Variants in MYO15B observed in about 807,000 individuals in gnomAD.
MYO15B encodes the protein myosin XVB, also known as myosin XVB pseudogene.
MYO15B carries 207 observed loss-of-function variants against 119.3 expected under a neutral mutation model. The ratio of observed to expected loss-of-function variants is 1.73; its 90% confidence interval spans 1.55 to 1.95. MYO15B has a LOEUF of 1.95. Ranked by LOEUF, MYO15B falls within the 30% of genes most tolerant of loss-of-function variation. The pLI is 0.00. For synonymous variants in MYO15B, 966 were observed against 498.9 expected (o/e 1.94, Z -12.48); for missense variants, 2,264 against 1,203.1 (o/e 1.88, Z -13.04).
chr17:75,606,672 C>T (rs1207905629), intron 21 of MYO15B, among the ~76,000 whole-genome samples: 4 of 151,798 alleles, frequency 2.6e-5, no homozygotes, highest in Non-Finnish European at 5.9e-5. Flanking sequence ...GGGGTTTCTC[C>T]ATGTTGGTCA....
exon 1 of MYO15B, chr17:75,587,956 G>C (rs1598666900): frequency 2.5e-6 from 1 of 396,908 alleles, no homozygotes; most frequent in Admixed American, 4.4e-5. Context: ...TGCGAGAGCA[G>C]AGCCGGGTGG....
At chr17:75,619,089 T>TG in intron 43 of MYO15B, 54 bp from the exon 44 acceptor site, 1 of 702,110 alleles carries the variant, frequency 1.4e-6, no homozygotes, top group Non-Finnish European at 2.6e-6. Context: ...ATGGCTGCTC[T>TG]GGGGGTGGGC....
Position 75,611,038 on chromosome 17 carries a change from G to T in MYO15B, c.4446+79G>T. 3 of 701,002 alleles carry T rather than the reference G, an allele frequency of 4.3e-6. No homozygotes were observed. In the South Asian group the frequency reaches 4.4e-5, roughly 10 times the overall value. The allele number at this position is 701,002 out of a possible 1,614,324, so 43.4% of individuals were successfully genotyped here. ...CTGGGACAGCTTAGAGGGCTGCCAG[G>T]GTGCTACCGTGGGTCTTGTCCCTCA... On this transcript the variant is annotated intron_variant, in intron 23 of 63. Coordinates refer to ENST00000645453, the Ensembl canonical transcript of MYO15B.
chr17:75,595,771 G>C (rs528950802), intron 12 of MYO15B, among the ~76,000 whole-genome samples: 1 of 152,228 alleles, frequency 6.6e-6, no homozygotes, highest in African/African-American at 2.4e-5. Flanking sequence ...GGAGGAAAGG[G>C]AAGAGGGAGA....
Position 75,619,815 on chromosome 17 carries a change from A to G in MYO15B, c.7301+16A>G, listed in dbSNP as rs1213703680. The G allele has an allele frequency of 2.8e-6, 2 of 702,732 alleles. No individual in the cohort carries two copies. The highest frequency in any genetic ancestry group is 3.0e-5 in the South Asian group (2 of 67,584). 43.5% of individuals were successfully genotyped at this position (702,732 alleles called of 1,614,324 possible). A position where few individuals can be genotyped will look rare whatever the true frequency, so the allele number is the denominator to read the frequency against. On this transcript the variant is annotated intron_variant, in intron 46 of 63. Transcript: ENST00000645453. The stretch of plus-strand genomic sequence containing the variant: ...GCTCATACAGGTGCGCTAGCCCACG[A>G]CCCTGGGCTAGAGGTGGGGGCAGGT...
At chr17:75,602,055 G>T (rs936815578) in intron 15 of MYO15B, among the ~76,000 whole-genome samples, 6 of 152,076 alleles carry the variant, frequency 3.9e-5, no homozygotes, top group African/African-American at 1.2e-4. Flanking sequence ...AACTGGGGGT[G>T]GGGGAGCGGG....
chr17:75,620,381 C>A, intron 48 of MYO15B, 24 bp downstream of exon 48: 1 of 702,900 alleles, frequency 1.4e-6, no homozygotes, highest in East Asian at 2.7e-5. Flanking sequence ...CCGGCAGGGG[C>A]TCACACAGGG....
chr17:75,597,722 C>G (rs532663895), intron 14 of MYO15B, among the ~76,000 whole-genome samples: 2 of 152,102 alleles, frequency 1.3e-5, no homozygotes, highest in South Asian at 4.2e-4. Flanking sequence ...CCCAGGAGCT[C>G]GAGACCAACA....
exon 1 of MYO15B, chr17:75,588,526 A>G (rs2056205421): frequency 2.5e-6 from 1 of 398,554 alleles, no homozygotes; most frequent in Non-Finnish European, 4.4e-6. Flanking sequence ...GGACGGAGGC[A>G]GCTCCTGTCC....
At chr17:75,588,979 G>A (rs985178131) in exon 1 of MYO15B, 3 of 398,030 alleles carry the variant, frequency 7.5e-6, no homozygotes, top group Non-Finnish European at 1.3e-5. Flanking sequence ...CGGAAAGGCG[G>A]TGGGGCAGGT....
At chr17:75,590,977 A>T in exon 3 of MYO15B, 6 of 562,992 alleles carry the variant, frequency 1.1e-5, no homozygotes, top group Non-Finnish European at 1.6e-5. Context: ...CCTGAGGTCC[A>T]GGCAAGCTAC....
At position 75,621,484 on chromosome 17, in the gene MYO15B, CCT is replaced by C. The variant is rs2058709508; in HGVS notation, c.7936-12_7936-11del. 3 of 701,466 alleles carry C rather than the reference CCT, an allele frequency of 4.3e-6. No homozygotes were observed. The highest frequency in any genetic ancestry group is 2.7e-5 in the East Asian group (1 of 37,220). The allele number at this position is 701,466 out of a possible 1,614,324, so 43.5% of individuals were successfully genotyped here. A position where few individuals can be genotyped will look rare whatever the true frequency, so the allele number is the denominator to read the frequency against. ...CCACGGCCCCCCAGACCCATGGCCT[CCT>C]CTCTTTGGCCACAGGCTCCCATCCA... On this transcript the variant is annotated splice_polypyrimidine_tract_variant and intron_variant, in intron 51 of 63. Transcript: ENST00000645453.
exon 51 of MYO15B, chr17:75,621,381 C>G (rs149275965): frequency 1.4e-6 from 1 of 701,634 alleles, no homozygotes; most frequent in African/African-American, 1.7e-5. Context: ...CAGGAAAGGA[C>G]ACGGACAGCC....
chr17:75,613,431 G>T, exon 28 of MYO15B: 1 of 679,732 alleles, frequency 1.5e-6, no homozygotes, highest in South Asian at 1.5e-5. Flanking sequence ...TGGCCGGATG[G>T]CGGCGGGGCC....
intron 4 of MYO15B, 153 bp from the exon 5 acceptor site, chr17:75,591,448 G>A (rs2056442960): frequency 1.3e-5 from 8 of 617,872 alleles, no homozygotes; most frequent in African/African-American, 3.7e-5. Context: ...CTTTTCTGTC[G>A]GGTCTCTCCA....
Position 75,596,919 on chromosome 17 carries a change from C to A in MYO15B, c.3525+20C>A, listed in dbSNP as rs2056899961. Reference sequence around the variant, plus strand: ...TCCCAGGTAAGGGCCAGGATGGTGACCCCCCACCCAGTGTCGGGAAGGAGT... The same window carrying A: ...TCCCAGGTAAGGGCCAGGATGGTGAACCCCCACCCAGTGTCGGGAAGGAGT... On this transcript the variant is annotated intron_variant, in intron 14 of 63. Transcript: ENST00000645453. 1 of 681,022 alleles carries A rather than the reference C, an allele frequency of 1.5e-6. No homozygotes were observed. The highest frequency in any genetic ancestry group is 2.7e-5 in the East Asian group (1 of 37,160). The allele number at this position is 681,022 out of a possible 1,614,324, so 42.2% of individuals were successfully genotyped here.
In MYO15B at chr17:75,622,390, C is replaced by G. The variant is rs1259232141; in HGVS notation, c.8082+310C>G. On this transcript the variant is annotated intron_variant, in intron 53 of 63. Coordinates refer to ENST00000645453, the Ensembl canonical transcript of MYO15B. ...GAGGGAAGGAGTGAGCACGGGGTGA[C>G]AGAGAAGGGCAGGCAACAGTTCAGA... 2.0e-5 allele frequency among the ~76,000 whole-genome samples: 3 copies of G among 152,136 alleles called. No individual in the cohort carries two copies. The South Asian group carries it at 6.2e-4, about 32-fold the overall frequency.
At chr17:75,620,802 C>G (rs752672031) in intron 49 of MYO15B, 166 bp downstream of exon 49, 66 of 701,702 alleles carry the variant, frequency 9.4e-5, no homozygotes, top group Non-Finnish European at 1.6e-4. Context: ...GTCTCTCCAG[C>G]AAGACTGTGC....
chr17:75,618,391 A>C (rs1403771224), intron 43 of MYO15B, among the ~76,000 whole-genome samples: 1 of 152,216 alleles, frequency 6.6e-6, no homozygotes, highest in Non-Finnish European at 1.5e-5. Context: ...GCGGTGGCTC[A>C]TGCCTGTAAT....
Sources: allele counts gnomAD v4.1 joint callset (sites outside exome capture counted in the v4.1 genomes callset), GRCh38; gene constraint gnomAD v4.1.1; transcripts MANE v1.5; gene names NCBI Gene and HGNC (gene_info 2026-07-23, HGNC 2026-07-21).